Variants in PTPRG observed in about 807,000 individuals in gnomAD.
PTPRG encodes the protein receptor-type tyrosine-protein phosphatase gamma.
In PTPRG, 102 loss-of-function variants were observed where a neutral mutation model predicts 165.3. The ratio of observed to expected loss-of-function variants is 0.62; its 90% CI spans 0.53 to 0.73. The LOEUF (loss-of-function observed/expected upper bound fraction) is 0.73. PTPRG is among the 30% of genes least tolerant of loss of function. PTPRG has a pLI of 0.00. For synonymous variants in PTPRG, 675 were observed against 669.5 expected (o/e 1.01, Z -0.13); for missense variants, 1,866 against 1,861.4 (o/e 1.00, Z -0.05).
In PTPRG at chr3:61,843,928, G is replaced by GTCAT. The variant is rs577484534; in HGVS notation, c.190+94948_190+94951dup. Among the ~76,000 whole-genome samples, 116 of 149,362 alleles carry GTCAT rather than the reference G, an allele frequency of 7.8e-4. 4 individuals carry two copies. The South Asian group carries it at 0.023, about 30-fold the overall frequency. ...AAATAATATTATAGTTTATGTTCATGTCATTGATAGCTTGGAAAATTCACA... is the reference window on the plus strand; with the variant it reads ...AAATAATATTATAGTTTATGTTCATGTCATTCATTGATAGCTTGGAAAATTCACA... On this transcript the variant is annotated intron_variant, in intron 2 of 29. Coordinates refer to ENST00000474889, the MANE Select transcript of PTPRG (RefSeq NM_002841.4).
chr3:61,808,270 T>A (rs543253257), intron 2 of PTPRG, among the ~76,000 whole-genome samples: 48 of 152,326 alleles, frequency 3.2e-4, no homozygotes, highest in African/African-American at 1.1e-3. Context: ...TGTTTGGTTA[T>A]TTTTAAGTGG....
At chr3:62,065,460 C>A (rs1238761159) in intron 4 of PTPRG, among the ~76,000 whole-genome samples, 2 of 152,152 alleles carry the variant, frequency 1.3e-5, no homozygotes, top group Admixed American at 6.6e-5. Context: ...ACATGTACCA[C>A]CTTTGGCAGT....
intron 1 of PTPRG, among the ~76,000 whole-genome samples, chr3:61,602,005 G>C (rs1700882573): frequency 6.6e-6 from 1 of 152,198 alleles, no homozygotes; most frequent in South Asian, 2.1e-4. Flanking sequence ...CACTGACGTT[G>C]TCCAGGATGA....
chr3:62,003,646 A>AGGTGG, intron 4 of PTPRG, 149 bp downstream of exon 4: 2 of 987,818 alleles, frequency 2.0e-6, no homozygotes, highest in Non-Finnish European at 2.9e-6. Context: ...ATAGTATGGC[A>AGGTGG]GGTGGGTATC....
In PTPRG at chr3:62,203,130, T is replaced by G; in HGVS notation, c.1378-43T>G. 6.5e-7 allele frequency: 1 copy of G among 1,526,920 alleles called. No homozygotes were observed. Among genetic ancestry groups the G allele is most frequent in the South Asian group, 1.3e-5 (1 of 77,176 alleles). 94.6% of individuals were successfully genotyped at this position (1,526,920 alleles called of 1,614,324 possible). A position where few individuals can be genotyped will look rare whatever the true frequency, so the allele number is the denominator to read the frequency against. On this transcript the variant is annotated intron_variant, in intron 11 of 29. Coordinates refer to ENST00000474889, the MANE Select transcript of PTPRG (RefSeq NM_002841.4). The surrounding 1 kb of genome is among the most constrained non-coding windows in gnomAD (Gnocchi z 6.4). ...ATTACTGATGCTTCTCTGCTTTTTC[T>G]TCTTCTGCCTCTTTTCCACCCTTGC...
intron 4 of PTPRG, among the ~76,000 whole-genome samples, chr3:62,043,069 G>A: frequency 6.6e-6 from 1 of 152,182 alleles, no homozygotes; most frequent in Non-Finnish European, 1.5e-5. Context: ...ATTGGGCTAA[G>A]TTGGGGTAAG....
At chr3:61,707,008 C>T (rs1340240538) in intron 1 of PTPRG, among the ~76,000 whole-genome samples, 1 of 152,028 alleles carries the variant, frequency 6.6e-6, no homozygotes, top group African/African-American at 2.4e-5. Context: ...ATATTATTAG[C>T]CTATTCTTTT....
chr3:62,141,749 A>T (rs1703937690), intron 6 of PTPRG, among the ~76,000 whole-genome samples: 1 of 151,870 alleles, frequency 6.6e-6, no homozygotes, highest in South Asian at 2.1e-4. Context: ...AAAAAAAAAA[A>T]AATACAAAAA....
chr3:62,191,227 C>T (rs553677208), intron 8 of PTPRG, among the ~76,000 whole-genome samples: 2 of 150,472 alleles, frequency 1.3e-5, no homozygotes, highest in African/African-American at 2.5e-5. Context: ...CGTGTGTGTG[C>T]ATCTGTGTCC....
At chr3:61,794,881 T>C (rs563393691) in intron 2 of PTPRG, among the ~76,000 whole-genome samples, 6 of 152,284 alleles carry the variant, frequency 3.9e-5, no homozygotes, top group African/African-American at 7.2e-5. Context: ...GTTCATATTA[T>C]ATTGATGATG....
chr3:61,875,884 A>G (rs1163886986), intron 2 of PTPRG, among the ~76,000 whole-genome samples: 1 of 152,202 alleles, frequency 6.6e-6, no homozygotes. Context: ...TAAGAATCCA[A>G]GGTGAGGGAC....
chr3:61,588,677 C>T (rs1161314764), intron 1 of PTPRG, among the ~76,000 whole-genome samples: 4 of 152,148 alleles, frequency 2.6e-5, no homozygotes, highest in Non-Finnish European at 4.4e-5. Flanking sequence ...GACTCCTGAG[C>T]GCAGATAGTC....
chr3:61,679,427 C>G (rs542464131), intron 1 of PTPRG, among the ~76,000 whole-genome samples: 1 of 152,130 alleles, frequency 6.6e-6, no homozygotes, highest in African/African-American at 2.4e-5. Context: ...TTATAAGTCA[C>G]GGAATGACCC....
intron 14 of PTPRG, among the ~76,000 whole-genome samples, chr3:62,234,280 A>G (rs968304765): frequency 6.6e-6 from 1 of 152,160 alleles, no homozygotes; most frequent in African/African-American, 2.4e-5. Flanking sequence ...ATTATAAACA[A>G]TCGTGTGATG....
In PTPRG at chr3:61,624,992, C is replaced by T. The variant is rs371711176; in HGVS notation, c.85+62620C>T. 3.8e-3 allele frequency among the ~76,000 whole-genome samples: 583 copies of T among 152,082 alleles called. 2 individuals are homozygous for T. The highest frequency in any genetic ancestry group is 0.013 in the African/African-American group (531 of 41,506). On this transcript the variant is annotated intron_variant, in intron 1 of 29. Transcript: ENST00000474889. ...GGAAGGGATGGATCTGTCCAACTTT[C>T]TTTTCTTTGGCTCGTGGATGGCTGT...
intron 4 of PTPRG, among the ~76,000 whole-genome samples, chr3:62,032,742 C>T (rs1699810836): frequency 6.6e-6 from 1 of 152,174 alleles, no homozygotes; most frequent in Non-Finnish European, 1.5e-5. Context: ...TGACATGTAG[C>T]TTTGGATCTA....
At chr3:61,661,458 T>A (rs2107026310) in intron 1 of PTPRG, among the ~76,000 whole-genome samples, 1 of 152,322 alleles carries the variant, frequency 6.6e-6, no homozygotes, top group East Asian at 1.9e-4. Context: ...TTTATCTGGC[T>A]TCCTAGGCAG....
chr3:61,873,220 G>A (rs904030359), intron 2 of PTPRG, among the ~76,000 whole-genome samples: 3 of 152,086 alleles, frequency 2.0e-5, no homozygotes, highest in Non-Finnish European at 4.4e-5. Context: ...GTTTGTAAGC[G>A]GAAAACTGGC....
intron 8 of PTPRG, among the ~76,000 whole-genome samples, chr3:62,184,330 G>T (rs1053087899): frequency 3.9e-5 from 6 of 152,088 alleles, no homozygotes; most frequent in African/African-American, 1.4e-4. Flanking sequence ...TGCCCATCTT[G>T]AGCTCTTGGG....
Sources: allele counts gnomAD v4.1 joint callset (sites outside exome capture counted in the v4.1 genomes callset), GRCh38; gene constraint gnomAD v4.1.1; non-coding constraint Gnocchi (gnomAD v3.1); transcripts MANE v1.5; gene names NCBI Gene and HGNC (gene_info 2026-07-23, HGNC 2026-07-21).